Variants in GPM6A observed in about 807,000 individuals in gnomAD.
GPM6A encodes the protein neuronal membrane glycoprotein M6-a.
In GPM6A, 7 loss-of-function variants were observed where a neutral mutation model predicts 32.1. The ratio of observed to expected loss-of-function variants is 0.22; its 90% CI spans 0.12 to 0.41. The LOEUF is 0.41. Among genes scored for constraint, GPM6A ranks in the 10% least tolerant of loss-of-function variants. GPM6A has a pLI of 1.00. For missense variants in GPM6A, 235 were observed against 347.2 expected (o/e 0.68, Z 2.57); for synonymous variants, 130 against 123.4 (o/e 1.05, Z -0.35).
chr4:175,634,820 T>A lies in GPM6A; in HGVS notation c.*85A>T, dbSNP rs1351662225. 1 of 1,111,970 alleles carries A rather than the reference T, an allele frequency of 9.0e-7. No homozygotes were observed. The highest frequency in any genetic ancestry group is 1.6e-5 in the African/African-American group (1 of 64,046). 68.9% of individuals were successfully genotyped at this position (1,111,970 alleles called of 1,614,324 possible). A position where few individuals can be genotyped will look rare whatever the true frequency, so the allele number is the denominator to read the frequency against. On this transcript the variant is annotated 3_prime_UTR_variant, in exon 7 of 7. Transcript: ENST00000393658. ...ATATCATTGATGAGAAGCACTTTCG[T>A]TTTGTTTTTTAAAGGTTGGATGGTT...
At chr4:175,664,678 T>C (rs1321097204) in intron 3 of GPM6A, among the ~76,000 whole-genome samples, 1 of 152,166 alleles carries the variant, frequency 6.6e-6, no homozygotes, top group African/African-American at 2.4e-5. Context: ...ACTGCAGTCC[T>C]CTATGTATTT....
At chr4:175,795,428 G>C (rs1181170179) in intron 1 of GPM6A, among the ~76,000 whole-genome samples, 1 of 152,096 alleles carries the variant, frequency 6.6e-6, no homozygotes. Flanking sequence ...GCAGAAGCAA[G>C]GAAATGTTCC....
intron 2 of GPM6A, among the ~76,000 whole-genome samples, chr4:175,691,553 C>A (rs1211574512): frequency 6.6e-6 from 1 of 152,064 alleles, no homozygotes; most frequent in East Asian, 1.9e-4. Context: ...CCTTTTAAAT[C>A]AATATATTAT....
At chr4:175,989,703 A>T (rs1470204155) in intron 1 of GPM6A, among the ~76,000 whole-genome samples, 2 of 152,160 alleles carry the variant, frequency 1.3e-5, no homozygotes, top group East Asian at 3.8e-4. Context: ...ATAGTTAAAT[A>T]TGTTAAATTA....
At chr4:175,750,051 G>A (rs781202851) in intron 1 of GPM6A, among the ~76,000 whole-genome samples, 2 of 152,008 alleles carry the variant, frequency 1.3e-5, no homozygotes, top group East Asian at 1.9e-4. Flanking sequence ...ATCTTTATTC[G>A]AAGTGAACCT....
chr4:175,962,626 G>A (rs561078135), intron 1 of GPM6A: 349 of 243,328 alleles, frequency 1.4e-3, no homozygotes, highest in Non-Finnish European at 2.4e-3. Flanking sequence ...ATAGAAACAC[G>A]GACACCTGAG....
intron 2 of GPM6A, among the ~76,000 whole-genome samples, chr4:175,679,034 A>T (rs1169883588): frequency 6.6e-6 from 1 of 152,070 alleles, no homozygotes; most frequent in African/African-American, 2.4e-5. Flanking sequence ...ACTTATGTCA[A>T]ATCTTTATTT....
At chr4:175,688,027 A>G (rs74980656) in intron 2 of GPM6A, among the ~76,000 whole-genome samples, 7,175 of 152,110 alleles carry the variant, frequency 0.047, 203 homozygotes, top group Non-Finnish European at 0.063. Flanking sequence ...CCTATTTTTT[A>G]ATTGGGTATT....
intron 3 of GPM6A, among the ~76,000 whole-genome samples, chr4:175,672,176 AC>A (rs1743116496): frequency 6.6e-6 from 1 of 152,174 alleles, no homozygotes; most frequent in South Asian, 2.1e-4. Flanking sequence ...GAATGAAATA[AC>A]ACAATTGACT....
At chr4:175,757,527 A>C (rs1732575120) in intron 1 of GPM6A, among the ~76,000 whole-genome samples, 1 of 152,202 alleles carries the variant, frequency 6.6e-6, no homozygotes, top group African/African-American at 2.4e-5. Context: ...AATCATGATC[A>C]GTTACTCAAA....
chr4:175,881,757 C>T (rs561778433), intron 1 of GPM6A, among the ~76,000 whole-genome samples: 112 of 151,900 alleles, frequency 7.4e-4, no homozygotes, highest in Non-Finnish European at 8.5e-4. Flanking sequence ...AAAAACCAAA[C>T]GCATGTTCTC....
At chr4:175,661,031 T>C (rs142700513) in intron 3 of GPM6A, among the ~76,000 whole-genome samples, 25 of 152,312 alleles carry the variant, frequency 1.6e-4, no homozygotes, top group African/African-American at 5.5e-4. Context: ...AAACCCTGAA[T>C]ACATTTAATT....
At chr4:175,854,567 C>G (rs928843887) in intron 1 of GPM6A, among the ~76,000 whole-genome samples, 2 of 152,136 alleles carry the variant, frequency 1.3e-5, no homozygotes, top group African/African-American at 2.4e-5. Flanking sequence ...ACAAAGATCT[C>G]TGAAAGAGGG....
At chr4:175,757,345 C>A (rs1732567339) in intron 1 of GPM6A, among the ~76,000 whole-genome samples, 1 of 152,124 alleles carries the variant, frequency 6.6e-6, no homozygotes, top group African/African-American at 2.4e-5. Flanking sequence ...CTGCCTATGA[C>A]TACAGCCACC....
At chr4:175,777,400 C>T (rs1325567834) in intron 1 of GPM6A, among the ~76,000 whole-genome samples, 1 of 151,770 alleles carries the variant, frequency 6.6e-6, no homozygotes, top group Non-Finnish European at 1.5e-5. Flanking sequence ...TATCTTAGTC[C>T]TTATCCTATT....
chr4:175,989,881 A>G (rs897513230), intron 1 of GPM6A, among the ~76,000 whole-genome samples: 7 of 152,302 alleles, frequency 4.6e-5, no homozygotes, highest in South Asian at 2.1e-4. Context: ...TCTGTCATCT[A>G]TAAGAGTCAT....
chr4:175,657,672 G>A (rs1021429224), intron 3 of GPM6A, among the ~76,000 whole-genome samples: 3 of 152,096 alleles, frequency 2.0e-5, no homozygotes, highest in Non-Finnish European at 4.4e-5. Context: ...CGAGTGTCTC[G>A]AATTTGTCAC....
At chr4:175,691,519 T>A (rs1294992213) in intron 2 of GPM6A, among the ~76,000 whole-genome samples, 1 of 152,206 alleles carries the variant, frequency 6.6e-6, no homozygotes, top group Non-Finnish European at 1.5e-5. Context: ...AAGCTATGCT[T>A]ACTATATACC....
intron 3 of GPM6A, among the ~76,000 whole-genome samples, chr4:175,669,497 C>G (rs1441044575): frequency 6.6e-6 from 1 of 152,184 alleles, no homozygotes; most frequent in African/African-American, 2.4e-5. Flanking sequence ...ATGAACATTT[C>G]CTTTGAGCAT....
Sources: gnomAD v4.1 joint callset for allele counts (sites outside exome capture counted in the v4.1 genomes callset) on GRCh38, gnomAD v4.1.1 for gene constraint, MANE v1.5 for transcripts, NCBI Gene and HGNC (gene_info 2026-07-23, HGNC 2026-07-21) for gene names.